Variants in FXR1 observed in about 807,000 individuals in gnomAD.
FXR1 encodes RNA-binding protein FXR1.
FXR1 carries 15 observed loss-of-function variants against 84.0 expected under a neutral mutation model. That is an observed-to-expected ratio of 0.18 (90% CI 0.12 to 0.27). FXR1 has a LOEUF of 0.27. Among genes scored for constraint, FXR1 ranks in the 10% least tolerant of loss-of-function variants. FXR1 has a pLI of 1.00. For synonymous variants in FXR1, 245 were observed against 250.7 expected, an observed-to-expected ratio of 0.98 and a Z score of 0.21; for missense variants, 480 against 774.4, an observed-to-expected ratio of 0.62 and a Z score of 4.51.
chr3:180,948,902 T>C, intron 6 of FXR1, 88 bp downstream of exon 6: 1 of 749,340 alleles, frequency 1.3e-6, no homozygotes, highest in South Asian at 1.6e-5. Context: ...AAAGCTAAGA[T>C]CAACTTAGTG....
intron 10 of FXR1, among the ~76,000 whole-genome samples, chr3:180,959,173 A>G (rs1711745336): frequency 6.6e-6 from 1 of 152,118 alleles, no homozygotes; most frequent in Admixed American, 6.5e-5. Context: ...AGTATTGACC[A>G]TTTCTTAATT....
intron 11 of FXR1, among the ~76,000 whole-genome samples, chr3:180,961,816 T>C (rs1560014544): frequency 6.6e-6 from 1 of 152,212 alleles, no homozygotes; most frequent in Admixed American, 6.5e-5. Context: ...TATTTCTTTC[T>C]TTCTTAAGAA....
At position 180,951,344 on chromosome 3, in the gene FXR1, G is replaced by C. The variant is rs1198039037; in HGVS notation, c.677G>C (p.Arg226Thr). 4 of 1,610,136 alleles carry C rather than the reference G, an allele frequency of 2.5e-6. No homozygotes were observed. The highest frequency in any genetic ancestry group is 3.4e-6 in the Non-Finnish European group (4 of 1,176,776). Residue 226 changes from arginine to threonine, a missense_variant, in exon 8 of 17, where the codon AGA becomes ACA. This residue lies in a region of FXR1 where 136 missense variants were observed against 315.4 expected (regional missense o/e 0.43). Coordinates refer to ENST00000357559, the MANE Select transcript of FXR1 (RefSeq NM_005087.4). ...AAAFHEEFVVREDLMGLAIGT... is the reference protein window; with the variant it reads ...AAAFHEEFVVTEDLMGLAIGT... ...GCTTTTCATGAGGAATTTGTTGTGA[G>C]AGAAGATTTAATGGGCCTGGCAATA... is the stretch of plus-strand genomic sequence containing the variant.
At chr3:180,962,309 G>A (rs76026105) in intron 11 of FXR1, among the ~76,000 whole-genome samples, 170 of 152,158 alleles carry the variant, frequency 1.1e-3, no homozygotes, top group African/African-American at 3.9e-3. Flanking sequence ...ATGAAAAGTC[G>A]CAATTAAAGC....
intron 15 of FXR1, among the ~76,000 whole-genome samples, chr3:180,974,152 T>C (rs1713923559): frequency 1.7e-5 from 2 of 114,990 alleles, no homozygotes; most frequent in South Asian, 6.8e-4. Flanking sequence ...GAATTCTAAG[T>C]TTCAATTCTT....
chr3:180,918,087 G>A (rs962635428), intron 1 of FXR1, among the ~76,000 whole-genome samples: 7 of 152,010 alleles, frequency 4.6e-5, no homozygotes, highest in African/African-American at 4.8e-5. Flanking sequence ...GAGAGATACT[G>A]TCAAGGCCCT....
intron 3 of FXR1, among the ~76,000 whole-genome samples, chr3:180,942,320 G>T (rs1376439473): frequency 7.2e-6 from 1 of 139,780 alleles, no homozygotes; most frequent in African/African-American, 2.7e-5. Flanking sequence ...GGAGCTCGCA[G>T]TGAGCTGAGA....
intron 7 of FXR1, among the ~76,000 whole-genome samples, chr3:180,949,726 A>G (rs1285114850): frequency 2.6e-5 from 4 of 152,174 alleles, no homozygotes; most frequent in Non-Finnish European, 5.9e-5. Context: ...CTTCAAACGA[A>G]GGCAGCCCAG....
intron 3 of FXR1, 53 bp downstream of exon 3, chr3:180,935,284 T>C: frequency 1.2e-6 from 1 of 804,786 alleles, no homozygotes; most frequent in Non-Finnish European, 2.2e-6. Context: ...TTTAAATAAA[T>C]ACTCTTTTAG....
chr3:180,919,453 T>A (rs1718307190), intron 1 of FXR1, among the ~76,000 whole-genome samples: 2 of 151,364 alleles, frequency 1.3e-5, no homozygotes, highest in Admixed American at 1.3e-4. Flanking sequence ...CCCAGGCAAT[T>A]TTTGTATTTT....
chr3:180,928,112 G>GTT (rs1308433939), intron 1 of FXR1, among the ~76,000 whole-genome samples: 1 of 145,164 alleles, frequency 6.9e-6, no homozygotes, highest in African/African-American at 2.6e-5. Flanking sequence ...AAGTTTGAAT[G>GTT]TTTTATCTAT....
intron 1 of FXR1, among the ~76,000 whole-genome samples, chr3:180,914,053 TC>T (rs1216514562): frequency 6.6e-6 from 1 of 152,186 alleles, no homozygotes; most frequent in Admixed American, 6.5e-5. Flanking sequence ...GTATAAAGGA[TC>T]CCCCTAAGCT....
At chr3:180,934,986 T>A (rs1032633510) in intron 2 of FXR1, 152 bp from the exon 3 acceptor site, 3 of 538,736 alleles carry the variant, frequency 5.6e-6, no homozygotes, top group Non-Finnish European at 1.0e-5. Context: ...TCTACTTCAG[T>A]AACTAATTTC....
At chr3:180,951,491 T>G in intron 8 of FXR1, 23 bp downstream of exon 8, 1 of 1,526,156 alleles carries the variant, frequency 6.6e-7, no homozygotes, top group South Asian at 1.2e-5. Flanking sequence ...TCTCCTGCCT[T>G]GGCCTTTAGT....
chr3:180,934,077 G>T (rs1720254732), intron 2 of FXR1, among the ~76,000 whole-genome samples: 1 of 152,192 alleles, frequency 6.6e-6, no homozygotes, highest in Non-Finnish European at 1.5e-5. Context: ...CGGCGCCATT[G>T]CACTCCAGCC....
At chr3:180,956,425 G>A (rs938131766) in intron 9 of FXR1, among the ~76,000 whole-genome samples, 1 of 152,178 alleles carries the variant, frequency 6.6e-6, no homozygotes, top group Non-Finnish European at 1.5e-5. Context: ...AAAACTTGCA[G>A]GTAGGTTCCT....
In FXR1 at chr3:180,970,471, A is replaced by G. The variant is rs141723981; in HGVS notation, c.1603+113A>G. The G allele has an allele frequency of 7.0e-5, 16 of 227,566 alleles. No individual in the cohort carries two copies. The East Asian group carries it at 1.3e-3, about 19-fold the overall frequency. The allele number at this position is 227,566 out of a possible 1,614,324, so 14.1% of individuals were successfully genotyped here. A position where few individuals can be genotyped will look rare whatever the true frequency, so the allele number is the denominator to read the frequency against. On this transcript the variant is annotated intron_variant, in intron 15 of 16. Coordinates refer to ENST00000357559, the MANE Select transcript of FXR1 (RefSeq NM_005087.4). Reference sequence around the variant, plus strand: ...GAAGCTTTTTTCAAAGAAATATGCAATTCACAAATTGACTTTTTCTTAGTG... The same window carrying G: ...GAAGCTTTTTTCAAAGAAATATGCAGTTCACAAATTGACTTTTTCTTAGTG...
rs979429213 is a variant in FXR1 at position 180,979,471 on chromosome 3, T to C, written c.*3179T>C. 6.6e-6 allele frequency: 1 copy of C among 152,144 alleles called. No individual in the cohort carries two copies. The highest frequency in any genetic ancestry group is 1.5e-5 in the Non-Finnish European group (1 of 67,980). The allele number at this position is 152,144 out of a possible 1,614,324, so 9.4% of individuals were successfully genotyped here. A position where few individuals can be genotyped will look rare whatever the true frequency, so the allele number is the denominator to read the frequency against. On this transcript the variant is annotated 3_prime_UTR_variant, in exon 17 of 17. Coordinates refer to ENST00000357559, the MANE Select transcript of FXR1 (RefSeq NM_005087.4). Reference sequence around the variant, plus strand: ...ATGTTTGTTACTGTCTCAGTCTTCCTGTCTTTGCTACACGATTTGGATCCC... The same window carrying C: ...ATGTTTGTTACTGTCTCAGTCTTCCCGTCTTTGCTACACGATTTGGATCCC...
chr3:180,960,290 T>C (rs1487153996), intron 10 of FXR1, among the ~76,000 whole-genome samples: 3 of 152,358 alleles, frequency 2.0e-5, no homozygotes, highest in Non-Finnish European at 2.9e-5. Context: ...GGAGGTGATA[T>C]TTCTTTTAGT....
Sources: allele counts gnomAD v4.1 joint callset (sites outside exome capture counted in the v4.1 genomes callset), GRCh38; gene constraint gnomAD v4.1.1; regional missense constraint gnomAD v4.1.1; transcripts MANE v1.5; gene names NCBI Gene and HGNC (gene_info 2026-07-23, HGNC 2026-07-21).